The following FBN1 variants were observed in gnomAD, a reference collection of about 807,000 sequenced individuals.
The protein encoded by FBN1 is fibrillin 1.
In FBN1, 29 loss-of-function variants were observed where a neutral mutation model predicts 365.1. The ratio of observed to expected loss-of-function variants is 0.08; its 90% CI spans 0.06 to 0.11. The LOEUF is 0.11. FBN1 is among the 10% of genes least tolerant of loss of function. The pLI, the probability that FBN1 is intolerant of heterozygous loss-of-function variation, is 1.00. For synonymous variants in FBN1, 1,210 were observed against 1,270.5 expected (o/e 0.95, Z 1.01); for missense variants, 2,476 against 3,703.2 (o/e 0.67, Z 8.60).
chr15:48,589,279 G>C (rs2044458561), intron 6 of FBN1, among the ~76,000 whole-genome samples: 2 of 152,142 alleles, frequency 1.3e-5, no homozygotes, highest in Non-Finnish European at 1.5e-5. Context: ...CTACCAGCAG[G>C]AGAAGAAGTA....
At chr15:48,433,693 T>C (rs1386858825) in intron 54 of FBN1, among the ~76,000 whole-genome samples, 1 of 152,244 alleles carries the variant, frequency 6.6e-6, no homozygotes, top group African/African-American at 2.4e-5. Flanking sequence ...TCAACTATCA[T>C]GTTGCTCCCC....
intron 44 of FBN1, among the ~76,000 whole-genome samples, chr15:48,455,853 TA>T (rs1166503532): frequency 6.6e-6 from 1 of 152,194 alleles, no homozygotes; most frequent in Non-Finnish European, 1.5e-5. Context: ...TTTTTAACAT[TA>T]AAATGTTGAC....
At chr15:48,548,171 G>C (rs1024082790) in intron 6 of FBN1, among the ~76,000 whole-genome samples, 2 of 152,110 alleles carry the variant, frequency 1.3e-5, no homozygotes, top group African/African-American at 4.8e-5. Context: ...TTATTTTATG[G>C]TCGTCCATTT....
chr15:48,614,154 T>A (rs1168706510), intron 2 of FBN1, among the ~76,000 whole-genome samples: 1 of 152,168 alleles, frequency 6.6e-6, no homozygotes, highest in African/African-American at 2.4e-5. Context: ...CACAGAGACC[T>A]AGAAGCAACC....
At chr15:48,434,823 A>T in intron 53 of FBN1, 110 bp from the exon 54 acceptor site, 17 of 1,344,130 alleles carry the variant, frequency 1.3e-5, no homozygotes, top group Non-Finnish European at 1.6e-5. Context: ...TTTGAGACAG[A>T]GTCTCACTTT....
At chr15:48,615,562 T>C (rs1889635875) in intron 2 of FBN1, among the ~76,000 whole-genome samples, 1 of 151,894 alleles carries the variant, frequency 6.6e-6, no homozygotes, top group Non-Finnish European at 1.5e-5. Flanking sequence ...CAAAAGAAAA[T>C]GTAAATGTTG....
At position 48,495,105 on chromosome 15, in the gene FBN1, A is replaced by C. The variant is rs369069428; in HGVS notation, c.2677+18T>G. On this transcript the variant is annotated intron_variant, in intron 22 of 65. Coordinates refer to ENST00000316623, the MANE Select transcript of FBN1 (RefSeq NM_000138.5). ...ACCATTGGAGTGGTATAGGAACCAC[A>C]GCATGGGTTTCTCTTACCAACTTGG... is the stretch of plus-strand genomic sequence containing the variant. The C allele has an allele frequency of 4.3e-6, 7 of 1,613,986 alleles. No individual in the cohort carries two copies. The African/African-American group carries it at 8.0e-5, about 18-fold the overall frequency.
intron 65 of FBN1, among the ~76,000 whole-genome samples, chr15:48,412,319 C>CT (rs1321036886): frequency 1.3e-5 from 2 of 151,952 alleles, no homozygotes; most frequent in African/African-American, 4.8e-5. Context: ...GGGTATTTGA[C>CT]TTTTTTTTGG....
intron 8 of FBN1, among the ~76,000 whole-genome samples, chr15:48,530,560 A>ATT (rs61523435): frequency 0.025 from 3,706 of 146,876 alleles, 147 homozygotes; most frequent in African/African-American, 0.083. Context: ...CACCGCAGAG[A>ATT]TTTTTTTTTT....
At chr15:48,438,885 G>A (rs2043092403) in intron 50 of FBN1, among the ~76,000 whole-genome samples, 1 of 152,094 alleles carries the variant, frequency 6.6e-6, no homozygotes, top group Non-Finnish European at 1.5e-5. Flanking sequence ...ACTTCTTAAA[G>A]CCTTCCAAAA....
chr15:48,635,181 C>G (rs1890070734), intron 2 of FBN1, among the ~76,000 whole-genome samples: 1 of 152,194 alleles, frequency 6.6e-6, no homozygotes, highest in Non-Finnish European at 1.5e-5. Flanking sequence ...TTCTCCCACT[C>G]TGAGCCTGCT....
At chr15:48,609,484 G>A (rs1000939743) in intron 4 of FBN1, among the ~76,000 whole-genome samples, 6 of 152,222 alleles carry the variant, frequency 3.9e-5, no homozygotes, top group African/African-American at 1.4e-4. Context: ...AGAGAAGGAA[G>A]CTAATAAAGT....
chr15:48,596,039 G>A (rs1008366257), intron 6 of FBN1, among the ~76,000 whole-genome samples: 19 of 152,114 alleles, frequency 1.2e-4, no homozygotes, highest in African/African-American at 4.3e-4. Flanking sequence ...TCATAACTGA[G>A]TACCACCAAA....
intron 12 of FBN1, among the ~76,000 whole-genome samples, chr15:48,514,449 C>T (rs1314639151): frequency 6.6e-6 from 1 of 152,122 alleles, no homozygotes; most frequent in Admixed American, 6.5e-5. Flanking sequence ...AAGAACTCAT[C>T]ATTTCTGACA....
At chr15:48,450,862 C>A (rs1319128243) in intron 45 of FBN1, among the ~76,000 whole-genome samples, 2 of 148,236 alleles carry the variant, frequency 1.3e-5, no homozygotes, top group African/African-American at 5.0e-5. Flanking sequence ...TGCAGCATGC[C>A]TGAAAAAAAA....
intron 2 of FBN1, among the ~76,000 whole-genome samples, chr15:48,620,397 C>T (rs1889744853): frequency 6.6e-6 from 1 of 152,142 alleles, no homozygotes; most frequent in African/African-American, 2.4e-5. Flanking sequence ...ATTTACCTCC[C>T]CACAATACTT....
intron 2 of FBN1, among the ~76,000 whole-genome samples, chr15:48,625,518 C>A (rs1889858850): frequency 6.6e-6 from 1 of 152,108 alleles, no homozygotes; most frequent in South Asian, 2.1e-4. Context: ...CCTTCTGGAC[C>A]CCCTGCATGA....
chr15:48,516,903 G>T (rs2043808960), intron 10 of FBN1, among the ~76,000 whole-genome samples: 1 of 152,156 alleles, frequency 6.6e-6, no homozygotes. Flanking sequence ...GTCAGTGATT[G>T]AATCGGACAG....
At chr15:48,616,764 G>GC (rs1286138245) in intron 2 of FBN1, among the ~76,000 whole-genome samples, 4 of 152,124 alleles carry the variant, frequency 2.6e-5, no homozygotes, top group Admixed American at 6.5e-5. Context: ...AAAGCTCTGT[G>GC]CAAGTAGCAA....
Sources: gnomAD v4.1 joint callset for allele counts (sites outside exome capture counted in the v4.1 genomes callset) on GRCh38, gnomAD v4.1.1 for gene constraint, MANE v1.5 for transcripts, NCBI Gene and HGNC (gene_info 2026-07-23, HGNC 2026-07-21) for gene names.